CNBD1: variants seen among roughly 807,000 people sequenced by gnomAD.
CNBD1 encodes cyclic nucleotide-binding domain-containing protein 1.
In CNBD1, 71 loss-of-function variants were observed where a neutral mutation model predicts 54.4. That is an observed-to-expected ratio of 1.30 (90% confidence interval 1.08 to 1.59). The LOEUF (loss-of-function observed/expected upper bound fraction) is 1.59, where lower values mean the gene tolerates loss of function less well. Among genes scored for constraint, CNBD1 ranks in the 40% most tolerant of loss-of-function variants. The pLI is 0.00. For missense variants in CNBD1, 659 were observed against 518.0 expected (o/e 1.27, Z -2.64); for synonymous variants, 182 against 170.7 (o/e 1.07, Z -0.51).
At chr8:86,887,721 T>G in intron 2 of CNBD1, 110 bp downstream of exon 2, 1 of 739,200 alleles carries the variant, frequency 1.4e-6, no homozygotes. Context: ...GGTACCTGAT[T>G]TATCACACAG....
intron 4 of CNBD1, among the ~76,000 whole-genome samples, chr8:87,123,400 G>T (rs1030726277): frequency 6.6e-6 from 1 of 151,582 alleles, no homozygotes; most frequent in Non-Finnish European, 1.5e-5. Context: ...AATTAAACAC[G>T]ATGCTCCTAA....
intron 8 of CNBD1, among the ~76,000 whole-genome samples, chr8:87,314,455 T>A (rs569895643): frequency 6.6e-6 from 1 of 151,902 alleles, no homozygotes; most frequent in Non-Finnish European, 1.5e-5. Context: ...TAAGAATAGA[T>A]GAAAACTTTC....
At chr8:86,999,616 C>T (rs144245294) in intron 4 of CNBD1, among the ~76,000 whole-genome samples, 453 of 152,204 alleles carry the variant, frequency 3.0e-3, no homozygotes, top group African/African-American at 0.01. Context: ...TTCTGCCCTT[C>T]CCCCGGTTGA....
chr8:87,063,243 AC>A (rs2130642309), intron 4 of CNBD1, among the ~76,000 whole-genome samples: 3 of 152,360 alleles, frequency 2.0e-5, no homozygotes, highest in African/African-American at 7.2e-5. Context: ...ATCTTCAAGC[AC>A]ATTTACACCT....
chr8:86,914,520 C>T (rs945370923), intron 3 of CNBD1, among the ~76,000 whole-genome samples: 1 of 152,162 alleles, frequency 6.6e-6, no homozygotes, highest in Non-Finnish European at 1.5e-5. Flanking sequence ...ACAGAATTTC[C>T]AAATGATGCA....
intron 4 of CNBD1, among the ~76,000 whole-genome samples, chr8:87,106,809 G>T (rs1459377051): frequency 6.6e-6 from 1 of 151,902 alleles, no homozygotes; most frequent in African/African-American, 2.4e-5. Flanking sequence ...ACTCCATCCT[G>T]GGCTGCTTCT....
chr8:87,376,412 A>G (rs1810937825), intron 10 of CNBD1, among the ~76,000 whole-genome samples: 1 of 151,846 alleles, frequency 6.6e-6, no homozygotes, highest in Admixed American at 6.6e-5. Flanking sequence ...GAAGAAACCT[A>G]CTAATACCGT....
At chr8:86,940,512 C>A (rs569105135) in intron 4 of CNBD1, among the ~76,000 whole-genome samples, 270 of 152,174 alleles carry the variant, frequency 1.8e-3, no homozygotes, top group African/African-American at 6.2e-3. Context: ...GATAGGGACA[C>A]AACTGCCTGA....
At chr8:87,414,586 G>A (rs1807806686) in intron 2 of CNBD1, among the ~76,000 whole-genome samples, 1 of 151,762 alleles carries the variant, frequency 6.6e-6, no homozygotes, top group South Asian at 2.1e-4. Context: ...AGAAAGTAGG[G>A]GTTGGTTGGC....
intron 4 of CNBD1, among the ~76,000 whole-genome samples, chr8:86,958,745 T>C (rs1807847659): frequency 6.6e-6 from 1 of 152,218 alleles, no homozygotes; most frequent in African/African-American, 2.4e-5. Flanking sequence ...ATGGGTCTCC[T>C]GAATACAGCA....
intron 8 of CNBD1, among the ~76,000 whole-genome samples, chr8:87,302,592 C>T (rs1678526614): frequency 6.6e-6 from 1 of 151,874 alleles, no homozygotes; most frequent in African/African-American, 2.4e-5. Flanking sequence ...GGGATGCCCT[C>T]TCTCACCACT....
chr8:87,379,262 A>G (rs959700456), intron 10 of CNBD1, among the ~76,000 whole-genome samples: 1 of 152,002 alleles, frequency 6.6e-6, no homozygotes, highest in African/African-American at 2.4e-5. Flanking sequence ...AGAGACTTAG[A>G]CTCCCACACA....
chr8:87,100,738 G>A (rs1470343100), intron 4 of CNBD1, among the ~76,000 whole-genome samples: 2 of 152,044 alleles, frequency 1.3e-5, no homozygotes, highest in Admixed American at 6.6e-5. Context: ...GCCTCCCAAC[G>A]TGCTGGGATT....
At chr8:86,998,162 G>T (rs1017340640) in intron 4 of CNBD1, among the ~76,000 whole-genome samples, 2 of 151,340 alleles carry the variant, frequency 1.3e-5, no homozygotes, top group East Asian at 3.9e-4. Context: ...GTCCCTTGCA[G>T]TCACAATGTT....
Position 87,396,358 on chromosome 8 carries a change from A to G in CNBD1, c.214-32188A>G, listed in dbSNP as rs115634533. Among the ~76,000 whole-genome samples, 591 of 152,002 alleles carry G rather than the reference A, an allele frequency of 3.9e-3. 8 individuals are homozygous for G. Among genetic ancestry groups the G allele is most frequent in the African/African-American group, 0.013 (557 of 41,522 alleles). On this transcript the variant is annotated intron_variant, in intron 2 of 7. Transcript: ENST00000521593. ...TTTAGGAATACAGAATTTCCCTTAA[A>G]TTATTCTGACTTGAAATGTTACCTC... is the stretch of plus-strand genomic sequence containing the variant.
At chr8:87,186,390 C>G (rs1813476322) in intron 4 of CNBD1, among the ~76,000 whole-genome samples, 1 of 152,044 alleles carries the variant, frequency 6.6e-6, no homozygotes, top group Admixed American at 6.6e-5. Context: ...TCTAATCAAG[C>G]ACCAAAAATA....
intron 4 of CNBD1, among the ~76,000 whole-genome samples, chr8:87,090,081 T>G (rs1009842331): frequency 3.9e-5 from 6 of 152,158 alleles, no homozygotes; most frequent in Non-Finnish European, 8.8e-5. Context: ...GAATGTAATG[T>G]TTCTATTTCA....
chr8:87,400,084 G>C (rs1472576950), intron 2 of CNBD1, among the ~76,000 whole-genome samples: 1 of 151,860 alleles, frequency 6.6e-6, no homozygotes, highest in African/African-American at 2.4e-5. Context: ...GGTTCTTCCA[G>C]GGGCAAGATC....
intron 4 of CNBD1, among the ~76,000 whole-genome samples, chr8:87,073,430 T>A (rs562004269): frequency 6.6e-6 from 1 of 152,036 alleles, no homozygotes; most frequent in East Asian, 1.9e-4. Flanking sequence ...CTTATCTTTG[T>A]GAGCTTATCC....
Sources: gnomAD v4.1 joint callset for allele counts (sites outside exome capture counted in the v4.1 genomes callset) on GRCh38, gnomAD v4.1.1 for gene constraint, MANE v1.5 for transcripts, NCBI Gene and HGNC (gene_info 2026-07-23, HGNC 2026-07-21) for gene names.